The following PKHD1 variants were observed in gnomAD, a reference collection of about 807,000 sequenced individuals.
PKHD1 encodes fibrocystin.
Under a neutral mutation model 412.0 loss-of-function variants are expected in PKHD1, and 291 were observed. The observed-to-expected ratio is 0.71, with a 90% CI of 0.64 to 0.78. PKHD1 has a LOEUF of 0.78. Ranked by LOEUF, PKHD1 falls within the 30% of genes least tolerant of loss-of-function variation. The probability of loss-of-function intolerance (pLI) is 0.00; values close to 1 mark genes in which losing one functional copy is unlikely to be tolerated. For synonymous variants in PKHD1, 1,777 were observed against 1,821.5 expected, an observed-to-expected ratio of 0.98 and a Z score of 0.62; for missense variants, 4,825 against 4,950.7, an observed-to-expected ratio of 0.97 and a Z score of 0.76.
At chr6:51,809,341 T>C (rs1764330718) in intron 52 of PKHD1, among the ~76,000 whole-genome samples, 1 of 152,054 alleles carries the variant, frequency 6.6e-6, no homozygotes, top group African/African-American at 2.4e-5. Flanking sequence ...TGAAATGCCA[T>C]CTTAATTACT....
In PKHD1 at chr6:51,941,688, T is replaced by A. The variant is rs576997285; in HGVS notation, c.5909-7366A>T. On this transcript the variant is annotated intron_variant, in intron 36 of 66. Coordinates refer to ENST00000371117, the MANE Select transcript of PKHD1 (RefSeq NM_138694.4). ...CAAATTGTTTTGCCTATCCACCCCG[T>A]GGTGCCAAACCCATATACTCTCCTA... is the stretch of plus-strand genomic sequence containing the variant. Among the ~76,000 whole-genome samples, 98 of 151,884 alleles carry A rather than the reference T, an allele frequency of 6.5e-4. 1 individual carries two copies. The highest frequency in any genetic ancestry group is 2.2e-3 in the African/African-American group (90 of 41,554).
intron 43 of PKHD1, among the ~76,000 whole-genome samples, chr6:51,892,489 G>A (rs1248996737): frequency 6.6e-6 from 1 of 152,184 alleles, no homozygotes; most frequent in Non-Finnish European, 1.5e-5. Flanking sequence ...AGATACCAGG[G>A]ATGCTGTTAT....
In PKHD1 at chr6:52,050,260, C is replaced by T. The variant is rs1028866854; in HGVS notation, c.2176G>A (p.Gly726Ser). 2 of 1,614,122 alleles carry T rather than the reference C, an allele frequency of 1.2e-6. No homozygotes were observed. The highest frequency in any genetic ancestry group is 1.7e-5 in the Admixed American group (1 of 60,024). ...ACAGAGACTGATTCCACCAGATTGC[C>T]CCCTGGGCGAGCCGTTCCAGAATCA... ...QADSGTARPG[G>S]NLVESVSVVG... The change falls in exon 22 of 67, where the codon GGC becomes AGC. Residue 726 changes from glycine (G) to serine (S), a missense_variant. Coordinates refer to ENST00000371117, the MANE Select transcript of PKHD1 (RefSeq NM_138694.4).
rs947392889 is a variant in PKHD1 at position 52,024,665 on chromosome 6, G to A, written c.5145C>T (p.His1715=). The A allele has an allele frequency of 2.4e-5, 39 of 1,614,006 alleles. No individual in the cohort carries two copies. The Admixed American group carries it at 3.5e-4, about 14-fold the overall frequency. ...CTCTGATGCAGTCATAGCCTCTGACGTGGTACTCCCCGGCCGGAAGGGAAG... is the reference window on the plus strand; with the variant it reads ...CTCTGATGCAGTCATAGCCTCTGACATGGTACTCCCCGGCCGGAAGGGAAG... ...VVPSLPAGEY[H]VRGYDCIRGW... The change falls in exon 32 of 67, where the codon CAC becomes CAT. Residue 1715 remains histidine, a synonymous_variant. Coordinates refer to ENST00000371117, the MANE Select transcript of PKHD1 (RefSeq NM_138694.4).
intron 35 of PKHD1, among the ~76,000 whole-genome samples, chr6:51,972,733 A>G (rs981211399): frequency 6.6e-6 from 1 of 152,312 alleles, no homozygotes; most frequent in Non-Finnish European, 1.5e-5. Context: ...CTTTAGCCCA[A>G]ACACATCCGC....
In PKHD1 at chr6:51,885,928, T is replaced by C. The variant is rs1186811611; in HGVS notation, c.7154A>G (p.Asn2385Ser). 4 of 1,613,410 alleles carry C rather than the reference T, an allele frequency of 2.5e-6. No homozygotes were observed. In the African/African-American group the frequency reaches 4.0e-5, roughly 16 times the overall value. The change falls in exon 45 of 67, where the codon AAT becomes AGT. Residue 2385 changes from asparagine to serine, a missense_variant. Transcript: ENST00000371117. ...CTGGAACAGAGTGGTGCCAGTGACATTATCCCAAGGTGGCTGAAATTTAGG... is the reference window on the plus strand; with the variant it reads ...CTGGAACAGAGTGGTGCCAGTGACACTATCCCAAGGTGGCTGAAATTTAGG... ...VYPKFQPPWD[N>S]VTGTTLFQSF...
intron 43 of PKHD1, among the ~76,000 whole-genome samples, chr6:51,890,419 G>C (rs1311340639): frequency 6.6e-6 from 1 of 152,074 alleles, no homozygotes; most frequent in Non-Finnish European, 1.5e-5. Flanking sequence ...CAGTAGTGGA[G>C]ACAACATATT....
At chr6:51,926,655 T>C (rs1405261048) in intron 37 of PKHD1, among the ~76,000 whole-genome samples, 1 of 152,138 alleles carries the variant, frequency 6.6e-6, no homozygotes, top group African/African-American at 2.4e-5. Flanking sequence ...TTTAAACAAG[T>C]CCCCTAAAGT....
chr6:51,649,110 G>A lies in PKHD1; in HGVS notation c.11285C>T (p.Pro3762Leu). 1 of 1,613,812 alleles carries A rather than the reference G, an allele frequency of 6.2e-7. No individual in the cohort carries two copies. The highest frequency in any genetic ancestry group is 8.5e-7 in the Non-Finnish European group (1 of 1,179,794). The stretch of plus-strand genomic sequence containing the variant: ...CTGCTCATCCAAAAATACCAATTGT[G>A]GCTGCACTGGAAGCTCATTTCCCAC... ...GEVGNELPVQ[P>L]QLVFLDEQNR... The change falls in exon 62 of 67, where the codon CCA becomes CTA. Residue 3762 changes from proline to leucine, a missense_variant. Physicochemically the swap from Pro to Leu is moderately conservative, Grantham distance 98 (BLOSUM62 -3). Coordinates refer to ENST00000371117, the MANE Select transcript of PKHD1 (RefSeq NM_138694.4).
At chr6:51,833,733 A>G (rs923483267) in intron 51 of PKHD1, among the ~76,000 whole-genome samples, 11 of 152,134 alleles carry the variant, frequency 7.2e-5, no homozygotes, top group Admixed American at 5.9e-4. Flanking sequence ...AGTGGTTGAG[A>G]CAGAAACCAT....
rs1332566705 is a variant in PKHD1, at chr6:51,619,005, C to T, written c.*76G>A. 7.5e-5 allele frequency: 102 copies of T among 1,355,776 alleles called. 1 individual carries two copies. Among genetic ancestry groups the T allele is most frequent in the Non-Finnish European group, 4.2e-6 (4 of 946,928 alleles). 84.0% of individuals were successfully genotyped at this position (1,355,776 alleles called of 1,614,324 possible). On this transcript the variant is annotated 3_prime_UTR_variant, in exon 67 of 67. Coordinates refer to ENST00000371117, the MANE Select transcript of PKHD1 (RefSeq NM_138694.4). ...TCTTAGTTGTCCCAGCAGGACAGTC[C>T]TCACTTCCCCAGCTTATTATCCAGA...
rs1793122678 is a variant in PKHD1 at position 51,968,190 on chromosome 6, G to T, written c.5752-8164C>A. Reference sequence around the variant, plus strand: ...TGCTCTAATTACTTCTAATGTTTGGGCTACCATCTTCATACAATAGAAATA... The same window carrying T: ...TGCTCTAATTACTTCTAATGTTTGGTCTACCATCTTCATACAATAGAAATA... On this transcript the variant is annotated intron_variant, in intron 35 of 66. Transcript: ENST00000371117. 2.0e-5 allele frequency among the ~76,000 whole-genome samples: 3 copies of T among 152,040 alleles called. No individual in the cohort carries two copies. In the South Asian group the frequency reaches 6.2e-4, roughly 32 times the overall value.
chr6:51,943,081 C>T (rs1326356099), intron 36 of PKHD1, among the ~76,000 whole-genome samples: 1 of 151,530 alleles, frequency 6.6e-6, no homozygotes, highest in Non-Finnish European at 1.5e-5. Flanking sequence ...GACATAATTC[C>T]TCAGTTTGGG....
At position 52,078,678 on chromosome 6, in the gene PKHD1, TTC is replaced by T. The variant is rs1204241877; in HGVS notation, c.390+1220_390+1221del. 4.4e-4 allele frequency among the ~76,000 whole-genome samples: 67 copies of T among 152,158 alleles called. 1 individual carries two copies. The highest frequency in any genetic ancestry group is 1.5e-3 in the African/African-American group (64 of 41,436). On this transcript the variant is annotated intron_variant, in intron 5 of 66. Transcript: ENST00000371117. ...TTTCATGTGCAATTTTAGGAAACGTTTCTCTTATTTCCCCCTCTCGCTCCTAA... is the reference window on the plus strand; with the variant it reads ...TTTCATGTGCAATTTTAGGAAACGTTTCTTATTTCCCCCTCTCGCTCCTAA...
chr6:52,043,706 G>T lies in PKHD1; in HGVS notation c.2740C>A (p.Pro914Thr). Residue 914 changes from proline (P) to threonine (T), a missense_variant, in exon 26 of 67, where the codon CCA becomes ACA. Transcript: ENST00000371117. ...TQVVVRVNDV[P>T]AHCPGSCSFQ... ...GAGCAGGAACCTGGGCAATGAGCTG[G>T]TACATCATTCACTCGCACAACCACC... 2 of 1,613,508 alleles carry T rather than the reference G, an allele frequency of 1.2e-6. No homozygotes were observed. Among genetic ancestry groups the T allele is most frequent in the Non-Finnish European group, 8.5e-7 (1 of 1,179,526 alleles).
chr6:51,979,983 A>G lies in PKHD1; in HGVS notation c.5752-19957T>C, dbSNP rs557963993. Among the ~76,000 whole-genome samples the G allele has an allele frequency of 5.8e-4, 89 of 152,232 alleles. 1 individual carries two copies. The South Asian group carries it at 8.7e-3, about 15-fold the overall frequency. The stretch of plus-strand genomic sequence containing the variant: ...AGTGCCCACTGCTTTTGTGCTCCAT[A>G]TTTACATCAATGTTTCACCTTGCTA... On this transcript the variant is annotated intron_variant, in intron 35 of 66. Coordinates refer to ENST00000371117, the MANE Select transcript of PKHD1 (RefSeq NM_138694.4).
In PKHD1 at chr6:51,668,119, C is replaced by A. The variant is rs143665296; in HGVS notation, c.10157-8150G>T. On this transcript the variant is annotated intron_variant, in intron 60 of 66. Transcript: ENST00000371117. ...TAGCTTGATGAGGATGGCACTGAAT[C>A]TGTAAATTACCTTGTGCAGTATGGC... is the stretch of plus-strand genomic sequence containing the variant. Among the ~76,000 whole-genome samples, 714 of 152,244 alleles carry A rather than the reference C, an allele frequency of 4.7e-3. 5 individuals carry two copies. Among genetic ancestry groups the A allele is most frequent in the African/African-American group, 0.016 (675 of 41,544 alleles).
chr6:51,631,360 A>T (rs1309314135), intron 65 of PKHD1, among the ~76,000 whole-genome samples: 1 of 152,160 alleles, frequency 6.6e-6, no homozygotes, highest in Non-Finnish European at 1.5e-5. Flanking sequence ...CCTTGTAGTT[A>T]GTCCAGTCCT....
Position 51,619,310 on chromosome 6 carries a change from C to T in PKHD1, c.11996G>A (p.Trp3999Ter), listed in dbSNP as rs113857165. ...GAGCAACTGCTCTTGGCCCTCCTTC[C>T]AGTTCCCAGTCTCTTGCAGGTACAC... ...QQVYLQETGN[W>*]KEGQEQLLRY... Residue 3999 changes from tryptophan (W) to a stop codon, truncating the protein, a stop_gained, in exon 67 of 67, where the codon TGG becomes TAG. Coordinates refer to ENST00000371117, the MANE Select transcript of PKHD1 (RefSeq NM_138694.4). LOFTEE classifies it low-confidence loss of function (END_TRUNC). 5 of 1,614,270 alleles carry T rather than the reference C, an allele frequency of 3.1e-6. No individual in the cohort carries two copies. Among genetic ancestry groups the T allele is most frequent in the Non-Finnish European group, 4.2e-6 (5 of 1,180,042 alleles).
Sources: gnomAD v4.1 joint callset for allele counts (sites outside exome capture counted in the v4.1 genomes callset) on GRCh38, gnomAD v4.1.1 for gene constraint, MANE v1.5 for transcripts, NCBI Gene and HGNC (gene_info 2026-07-23, HGNC 2026-07-21) for gene names.